The following ASTN2 variants were observed in gnomAD, a reference collection of about 807,000 sequenced individuals.
ASTN2 encodes astrotactin 2.
ASTN2 carries 54 observed loss-of-function variants against 139.8 expected under a neutral mutation model. The observed-to-expected ratio is 0.39, with a 90% confidence interval of 0.31 to 0.48. ASTN2 has a LOEUF of 0.48. ASTN2 is among the 20% of genes least tolerant of loss of function. The pLI, the probability that ASTN2 is intolerant of heterozygous loss-of-function variation, is 0.95. For missense variants in ASTN2, 1,565 were observed against 1,725.1 expected (o/e 0.91, Z 1.64); for synonymous variants, 756 against 719.5 (o/e 1.05, Z -0.81).
At chr9:116,890,090 A>G (rs1156771615) in intron 10 of ASTN2, among the ~76,000 whole-genome samples, 1 of 152,202 alleles carries the variant, frequency 6.6e-6, no homozygotes, top group Non-Finnish European at 1.5e-5. Context: ...AGAGGTATTG[A>G]ACTGAGTTTG....
At chr9:117,202,946 T>C (rs904927358) in intron 3 of ASTN2, among the ~76,000 whole-genome samples, 1 of 152,180 alleles carries the variant, frequency 6.6e-6, no homozygotes, top group Non-Finnish European at 1.5e-5. Context: ...CTTCTTTCCA[T>C]TTTTCCTGTC....
At chr9:116,465,703 G>A (rs73655126) in intron 20 of ASTN2, among the ~76,000 whole-genome samples, 2,705 of 152,236 alleles carry the variant, frequency 0.018, 93 homozygotes, top group African/African-American at 0.063. Flanking sequence ...GGATCATGGC[G>A]CAAATTTAAA....
Position 116,425,826 on chromosome 9 carries a change from T to A in ASTN2, c.*25A>T, listed in dbSNP as rs767975387. ...CTCCCCCTCCCATGGAGAGTCTCTG[T>A]GCTCACGGAGGGCAATACCCTCCCT... On this transcript the variant is annotated 3_prime_UTR_variant, in exon 23 of 23. Transcript: ENST00000313400. 2.2e-5 allele frequency: 36 copies of A among 1,613,832 alleles called. No individual in the cohort carries two copies. The highest frequency in any genetic ancestry group is 3.1e-5 in the Non-Finnish European group (36 of 1,179,938).
chr9:116,949,794 T>C (rs1201082248), intron 10 of ASTN2, among the ~76,000 whole-genome samples: 1 of 152,124 alleles, frequency 6.6e-6, no homozygotes, highest in African/African-American at 2.4e-5. Flanking sequence ...TTGGAATCAG[T>C]TGGATTTGAG....
intron 3 of ASTN2, among the ~76,000 whole-genome samples, chr9:117,163,542 T>C (rs1830600664): frequency 6.6e-6 from 1 of 151,554 alleles, no homozygotes; most frequent in Non-Finnish European, 1.5e-5. Flanking sequence ...ACTATTTTAT[T>C]ACATTTATAC....
At chr9:116,651,438 A>G in intron 17 of ASTN2, 90 bp downstream of exon 17, 1 of 1,408,244 alleles carries the variant, frequency 7.1e-7, no homozygotes, top group Non-Finnish European at 9.7e-7. Flanking sequence ...GATGATCATG[A>G]TGACAATACC....
chr9:117,103,263 T>C (rs1346025357), intron 4 of ASTN2, among the ~76,000 whole-genome samples: 1 of 152,146 alleles, frequency 6.6e-6, no homozygotes, highest in East Asian at 1.9e-4. Flanking sequence ...TAGGAAAGCA[T>C]TTTAGATATT....
At chr9:117,288,888 C>G (rs895235033) in intron 2 of ASTN2, among the ~76,000 whole-genome samples, 2 of 152,132 alleles carry the variant, frequency 1.3e-5, no homozygotes, top group Middle Eastern at 3.2e-3. Context: ...CTAAACTGCC[C>G]CTATTAACAA....
chr9:116,533,164 C>G (rs1851439771), intron 19 of ASTN2, among the ~76,000 whole-genome samples: 1 of 152,134 alleles, frequency 6.6e-6, no homozygotes, highest in Non-Finnish European at 1.5e-5. Context: ...CTCTGTTTGT[C>G]TGTTATTGGT....
At chr9:116,935,989 A>C in intron 10 of ASTN2, among the ~76,000 whole-genome samples, 1 of 126,308 alleles carries the variant, frequency 7.9e-6, no homozygotes. Flanking sequence ...AGTGAATGGC[A>C]GACCTGGGAT....
intron 10 of ASTN2, among the ~76,000 whole-genome samples, chr9:116,930,327 C>T (rs895144663): frequency 1.3e-5 from 2 of 152,142 alleles, no homozygotes; most frequent in Non-Finnish European, 2.9e-5. Flanking sequence ...GACCCCTGAC[C>T]TGGACTCTGA....
At chr9:117,240,367 G>C (rs767213251) in intron 2 of ASTN2, among the ~76,000 whole-genome samples, 17 of 152,170 alleles carry the variant, frequency 1.1e-4, no homozygotes, top group Non-Finnish European at 1.6e-4. Context: ...AGGGAACGAG[G>C]ATGGTTGAAA....
chr9:117,411,030 C>G (rs1831143364), intron 1 of ASTN2, among the ~76,000 whole-genome samples: 1 of 152,078 alleles, frequency 6.6e-6, no homozygotes, highest in Admixed American at 6.5e-5. Context: ...TTCAGAATAC[C>G]AGTTTAGCAA....
chr9:117,127,926 C>T (rs1829735671), intron 4 of ASTN2, among the ~76,000 whole-genome samples: 1 of 151,886 alleles, frequency 6.6e-6, no homozygotes, highest in African/African-American at 2.4e-5. Flanking sequence ...GTGATCCACC[C>T]GCCTCGGCCT....
intron 5 of ASTN2, among the ~76,000 whole-genome samples, chr9:117,083,649 GTC>G (rs1828485904): frequency 6.6e-6 from 1 of 152,192 alleles, no homozygotes; most frequent in Non-Finnish European, 1.5e-5. Flanking sequence ...AAGAGTCACA[GTC>G]TCTCATTCTA....
intron 20 of ASTN2, among the ~76,000 whole-genome samples, chr9:116,477,001 C>A (rs1849000425): frequency 6.6e-6 from 1 of 152,164 alleles, no homozygotes; most frequent in South Asian, 2.1e-4. Context: ...GCTCAGTATT[C>A]AAGGCTTAGC....
chr9:117,276,369 C>T (rs1399923221), intron 2 of ASTN2, among the ~76,000 whole-genome samples: 1 of 152,116 alleles, frequency 6.6e-6, no homozygotes, highest in Non-Finnish European at 1.5e-5. Flanking sequence ...TTCTGATGGC[C>T]CAGACCTTCC....
intron 5 of ASTN2, among the ~76,000 whole-genome samples, chr9:117,043,236 C>A (rs1342211196): frequency 6.6e-6 from 1 of 151,996 alleles, no homozygotes; most frequent in Non-Finnish European, 1.5e-5. Flanking sequence ...AATGATAAGT[C>A]TAGCATGAAT....
chr9:116,672,965 T>C (rs991857048), intron 16 of ASTN2, among the ~76,000 whole-genome samples: 6 of 152,206 alleles, frequency 3.9e-5, no homozygotes, highest in African/African-American at 9.7e-5. Flanking sequence ...TTACAACCAA[T>C]TGAGACAAGA....
Sources: allele counts gnomAD v4.1 joint callset (sites outside exome capture counted in the v4.1 genomes callset), GRCh38; gene constraint gnomAD v4.1.1; transcripts MANE v1.5; gene names NCBI Gene and HGNC (gene_info 2026-07-23, HGNC 2026-07-21).